Variants in CUX1 observed in about 807,000 individuals in gnomAD.
The protein encoded by CUX1 is protein CASP.
In CUX1, 31 loss-of-function variants were observed where a neutral mutation model predicts 158.8. The ratio of observed to expected loss-of-function variants is 0.20; its 90% CI spans 0.15 to 0.26. CUX1 has a LOEUF of 0.26. Ranked by LOEUF, CUX1 falls within the 10% of genes least tolerant of loss-of-function variation. The pLI is 1.00. For synonymous variants in CUX1, 879 were observed against 862.1 expected, an observed-to-expected ratio of 1.02 and a Z score of -0.34; for missense variants, 1,589 against 2,014.6, an observed-to-expected ratio of 0.79 and a Z score of 4.04.
chr7:102,070,742 G>A (rs1213084894), intron 4 of CUX1, among the ~76,000 whole-genome samples: 3 of 152,162 alleles, frequency 2.0e-5, no homozygotes, highest in Non-Finnish European at 4.4e-5. Context: ...TGTGTATGCT[G>A]TGTGGAAGTC....
At chr7:102,265,228 C>T (rs1445991469) in intron 14 of CUX1, among the ~76,000 whole-genome samples, 4 of 151,788 alleles carry the variant, frequency 2.6e-5, no homozygotes, top group African/African-American at 9.7e-5. Context: ...TGGTAGCGGG[C>T]GCCTGTAATC....
In CUX1 at chr7:101,869,223, AGGGGCTGTGTCAGAGCCCCG is replaced by A. The variant is rs538981510; in HGVS notation, c.31-46890_31-46871del. Among the ~76,000 whole-genome samples, 207 of 152,098 alleles carry A rather than the reference AGGGGCTGTGTCAGAGCCCCG, an allele frequency of 1.4e-3. 1 individual carries two copies. The highest frequency in any genetic ancestry group is 4.3e-3 in the African/African-American group (178 of 41,484). On this transcript the variant is annotated intron_variant, in intron 1 of 23. Transcript: ENST00000292535. The surrounding 1 kb of genome is among the most constrained non-coding windows in gnomAD (Gnocchi z 4.5). ...CCCATGTGCGCGTGACCTGTGGCAG[AGGGGCTGTGTCAGAGCCCCG>A]GCTGGCGAGAGGAGCATCACTGTGT... is the stretch of plus-strand genomic sequence containing the variant.
At chr7:102,019,223 C>CT (rs1321363837) in intron 2 of CUX1, among the ~76,000 whole-genome samples, 5 of 149,900 alleles carry the variant, frequency 3.3e-5, no homozygotes, top group Non-Finnish European at 7.4e-5. Flanking sequence ...TCAGACAAGT[C>CT]TTTTTTTGTT....
At chr7:101,982,523 C>T (rs1225284497) in intron 2 of CUX1, among the ~76,000 whole-genome samples, 5 of 151,926 alleles carry the variant, frequency 3.3e-5, no homozygotes, top group South Asian at 4.2e-4. Flanking sequence ...GCCTCCCAGG[C>T]TTAGGTGATT....
At chr7:102,070,452 G>C in intron 4 of CUX1, 35 bp downstream of exon 4, 1 of 1,545,438 alleles carries the variant, frequency 6.5e-7, no homozygotes, top group Non-Finnish European at 8.8e-7. Context: ...CCAGTGGGGG[G>C]CGTTGTGTCT....
intron 2 of CUX1, among the ~76,000 whole-genome samples, chr7:101,933,327 A>G (rs1227827378): frequency 6.6e-6 from 1 of 152,234 alleles, no homozygotes; most frequent in African/African-American, 2.4e-5. Context: ...TTTAAAAAAA[A>G]TACAGAGCCT....
At chr7:102,184,644 T>G (rs938899383) in intron 11 of CUX1, among the ~76,000 whole-genome samples, 27 of 152,156 alleles carry the variant, frequency 1.8e-4, no homozygotes, top group Admixed American at 1.0e-3. Flanking sequence ...ATTCATGCAT[T>G]TTATTTTATT....
rs1831300414 is a variant in CUX1, at chr7:102,115,072, T to C, written c.608-135T>C. The C allele has an allele frequency of 1.5e-5, 11 of 727,140 alleles. No homozygotes were observed. The South Asian group carries it at 1.9e-4, about 13-fold the overall frequency. The allele number at this position is 727,140 out of a possible 1,614,324, so 45.0% of individuals were successfully genotyped here. ...TTTCATCATCTTGGCCTCTTTTGTG[T>C]GTTTTTAATCTTTATTTTTCCACGC... On this transcript the variant is annotated intron_variant, in intron 7 of 23. Transcript: ENST00000292535.
chr7:101,824,683 C>T (rs1238257429), intron 1 of CUX1: 4 of 152,136 alleles, frequency 2.6e-5, no homozygotes, highest in South Asian at 2.1e-4. Context: ...TGTCACTTCT[C>T]GCCCTTCTCC....
At chr7:101,817,135 C>T (rs548610156), upstream of CUX1, 1,086 of 984,320 alleles carry the variant, frequency 1.1e-3, 8 homozygotes, top group African/African-American at 0.016. The surrounding 1 kb of genome is among the most constrained non-coding windows in gnomAD (Gnocchi z 4.1). Context: ...CGGGTGCGGG[C>T]GCGGGAGGAG....
intron 3 of CUX1, among the ~76,000 whole-genome samples, chr7:102,035,490 A>G (rs182216543): frequency 1.2e-3 from 180 of 152,212 alleles, no homozygotes; most frequent in Non-Finnish European, 1.7e-3. Flanking sequence ...CAGTATAAGT[A>G]TTGCAACAGA....
chr7:101,958,837 T>C lies in CUX1; in HGVS notation c.141+42612T>C, dbSNP rs535778999. 1.7e-4 allele frequency among the ~76,000 whole-genome samples: 24 copies of C among 143,370 alleles called. No homozygotes were observed. In the East Asian group the frequency reaches 4.7e-3, roughly 28 times the overall value. 94.1% of individuals were successfully genotyped at this position (143,370 alleles called of 152,430 possible). On this transcript the variant is annotated intron_variant, in intron 2 of 23. Coordinates refer to ENST00000292535, the MANE Select transcript of CUX1 (RefSeq NM_181552.4). Reference sequence around the variant, plus strand: ...GAATTCCTTTTCTGTCATAAGGAGATGATGCCCTTTTTTTTTTTTTTTTTT... The same window carrying C: ...GAATTCCTTTTCTGTCATAAGGAGACGATGCCCTTTTTTTTTTTTTTTTTT...
chr7:102,096,148 C>T (rs1829155800), intron 4 of CUX1, among the ~76,000 whole-genome samples: 1 of 152,266 alleles, frequency 6.6e-6, no homozygotes, highest in Admixed American at 6.5e-5. Flanking sequence ...GCAGCGCGCG[C>T]TGCTCTGCAC....
chr7:101,879,020 G>T (rs1799444441), intron 1 of CUX1, among the ~76,000 whole-genome samples: 1 of 152,190 alleles, frequency 6.6e-6, no homozygotes, highest in Non-Finnish European at 1.5e-5. Flanking sequence ...CGAGAATTCT[G>T]TTAGGGCGAG....
At chr7:102,267,720 G>A (rs1554545366) in intron 14 of CUX1, among the ~76,000 whole-genome samples, 1 of 152,160 alleles carries the variant, frequency 6.6e-6, no homozygotes, top group African/African-American at 2.4e-5. Flanking sequence ...AGCCTGGAGT[G>A]CAGTGGTGCA....
chr7:102,152,651 C>G (rs1340829722), intron 8 of CUX1, among the ~76,000 whole-genome samples: 1 of 152,226 alleles, frequency 6.6e-6, no homozygotes, highest in Non-Finnish European at 1.5e-5. Context: ...CTTGCCCTCC[C>G]CAAGTGCTGG....
At chr7:102,247,924 A>C (rs1315396622) in intron 23 of CUX1, among the ~76,000 whole-genome samples, 3 of 152,212 alleles carry the variant, frequency 2.0e-5, no homozygotes, top group Non-Finnish European at 4.4e-5. Context: ...TGAGGTCCGG[A>C]GTTTGAGACC....
chr7:101,976,937 AGTTTC>A (rs1479261085), intron 2 of CUX1, among the ~76,000 whole-genome samples: 1 of 24,574 alleles, frequency 4.1e-5, no homozygotes, highest in Non-Finnish European at 7.9e-5. Context: ...TTGGAGATGT[AGTTTC>A]GTTCTTGTTA....
intron 2 of CUX1, among the ~76,000 whole-genome samples, chr7:102,021,136 G>A (rs1266703600): frequency 6.6e-5 from 10 of 152,106 alleles, no homozygotes; most frequent in Non-Finnish European, 1.5e-4. Context: ...CTCTTGGAAA[G>A]ACTACATTGT....
Sources: allele counts gnomAD v4.1 joint callset (sites outside exome capture counted in the v4.1 genomes callset), GRCh38; gene constraint gnomAD v4.1.1; non-coding constraint Gnocchi (gnomAD v3.1); transcripts MANE v1.5; gene names NCBI Gene and HGNC (gene_info 2026-07-23, HGNC 2026-07-21).